Variants in PTPRD observed in about 807,000 individuals in gnomAD.
The protein encoded by PTPRD is receptor-type tyrosine-protein phosphatase delta.
In PTPRD, 34 loss-of-function variants were observed where a neutral mutation model predicts 214.5. That is an observed-to-expected ratio of 0.16 (90% CI 0.12 to 0.21). The LOEUF is 0.21. Ranked by LOEUF, PTPRD falls within the 10% of genes least tolerant of loss-of-function variation. PTPRD has a pLI of 1.00. For synonymous variants in PTPRD, 1,128 were observed against 845.7 expected (o/e 1.33, Z -5.79); for missense variants, 2,545 against 2,398.7 (o/e 1.06, Z -1.27).
intron 35 of PTPRD, among the ~76,000 whole-genome samples, chr9:8,430,268 AT>A (rs146333426): frequency 4.7e-5 from 7 of 147,374 alleles, no homozygotes; most frequent in South Asian, 2.2e-4. Context: ...AATTTTTTTT[AT>A]TTTTTTTTTA....
intron 4 of PTPRD, among the ~76,000 whole-genome samples, chr9:9,982,171 G>T (rs2095563314): frequency 6.6e-6 from 1 of 152,136 alleles, no homozygotes; most frequent in African/African-American, 2.4e-5. Context: ...CCAAAATACA[G>T]ATCTGTGCCA....
chr9:10,130,391 T>A (rs1181357526), intron 3 of PTPRD, among the ~76,000 whole-genome samples: 1 of 152,126 alleles, frequency 6.6e-6, no homozygotes, highest in Non-Finnish European at 1.5e-5. Context: ...TTGTCATTGA[T>A]CTTTCCCCAT....
chr9:8,776,213 G>A (rs146975377), intron 11 of PTPRD, among the ~76,000 whole-genome samples: 268 of 152,296 alleles, frequency 1.8e-3, no homozygotes, highest in African/African-American at 6.0e-3. Flanking sequence ...ATTGGACCCT[G>A]CACAAGGCAT....
chr9:9,490,405 C>A (rs888726574), intron 8 of PTPRD, among the ~76,000 whole-genome samples: 3 of 151,996 alleles, frequency 2.0e-5, no homozygotes, highest in African/African-American at 7.2e-5. Flanking sequence ...TGTCGCTTTC[C>A]ACACAATTTA....
At chr9:9,893,440 C>G (rs540341227) in intron 5 of PTPRD, among the ~76,000 whole-genome samples, 2 of 152,066 alleles carry the variant, frequency 1.3e-5, no homozygotes, top group African/African-American at 4.8e-5. Flanking sequence ...GAACATTTAC[C>G]AAGCAAATAG....
At chr9:8,432,182 T>C (rs2095102121) in intron 35 of PTPRD, among the ~76,000 whole-genome samples, 1 of 152,222 alleles carries the variant, frequency 6.6e-6, no homozygotes, top group Non-Finnish European at 1.5e-5. Context: ...ATACCAACTT[T>C]AAGGAGGACT....
chr9:10,393,491 T>C (rs1423928164), intron 2 of PTPRD, among the ~76,000 whole-genome samples: 1 of 151,434 alleles, frequency 6.6e-6, no homozygotes, highest in Non-Finnish European at 1.5e-5. Flanking sequence ...GAGAAATGTA[T>C]AAAATAGAAA....
At chr9:10,262,603 TTGGTACTGC>T (rs2093770108) in intron 3 of PTPRD, among the ~76,000 whole-genome samples, 1 of 152,130 alleles carries the variant, frequency 6.6e-6, no homozygotes, top group African/African-American at 2.4e-5. Flanking sequence ...AACAGAGACA[TTGGTACTGC>T]AAAGCAGAAG....
chr9:10,348,872 C>T (rs2097134386), intron 2 of PTPRD, among the ~76,000 whole-genome samples: 1 of 151,974 alleles, frequency 6.6e-6, no homozygotes, highest in African/African-American at 2.4e-5. Context: ...AGCTATATAC[C>T]TCCCTAACAT....
chr9:8,607,599 C>T (rs774589077), intron 14 of PTPRD, among the ~76,000 whole-genome samples: 28 of 152,140 alleles, frequency 1.8e-4, no homozygotes, highest in Admixed American at 1.6e-3. Context: ...GCCAAGACTG[C>T]GCCACTGCAC....
chr9:10,106,774 A>G (rs955711733), intron 3 of PTPRD, among the ~76,000 whole-genome samples: 13 of 152,014 alleles, frequency 8.6e-5, no homozygotes, highest in African/African-American at 3.1e-4. Context: ...CAGGAAGAAC[A>G]TCAGGCTAAA....
Position 8,485,218 on chromosome 9 carries a change from A to G in PTPRD, c.3153+9T>C. 6.2e-7 allele frequency: 1 copy of G among 1,609,584 alleles called. No homozygotes were observed. Among genetic ancestry groups the G allele is most frequent in the Non-Finnish European group, 8.5e-7 (1 of 1,176,252 alleles). ...TCTGTGATTTCTTACAAATTAGAAA[A>G]CAACTTACTTTGAAAGGCATGGCGG... On this transcript the variant is annotated intron_variant, in intron 29 of 45. Transcript: ENST00000381196.
intron 3 of PTPRD, among the ~76,000 whole-genome samples, chr9:10,087,551 G>A (rs1344265991): frequency 6.6e-6 from 1 of 151,598 alleles, no homozygotes; most frequent in Non-Finnish European, 1.5e-5. Context: ...AGTGGGACCA[G>A]GAAGAAATCT....
intron 9 of PTPRD, among the ~76,000 whole-genome samples, chr9:9,318,902 T>A (rs974626082): frequency 1.2e-4 from 18 of 152,306 alleles, no homozygotes; most frequent in African/African-American, 4.3e-4. Context: ...TCTAGATTCA[T>A]GCATTGATTT....
chr9:10,200,983 CT>C (rs2099417715), intron 3 of PTPRD, among the ~76,000 whole-genome samples: 1 of 152,004 alleles, frequency 6.6e-6, no homozygotes, highest in African/African-American at 2.4e-5. Flanking sequence ...AGCTTATATA[CT>C]CACACAGCTA....
intron 2 of PTPRD, among the ~76,000 whole-genome samples, chr9:10,517,918 T>G (rs1191385661): frequency 6.6e-6 from 1 of 152,170 alleles, no homozygotes; most frequent in Non-Finnish European, 1.5e-5. Context: ...TGCTGAAAGA[T>G]CCACTGGTTC....
chr9:9,256,275 G>A (rs1594668255), intron 9 of PTPRD, among the ~76,000 whole-genome samples: 1 of 151,884 alleles, frequency 6.6e-6, no homozygotes, highest in Non-Finnish European at 1.5e-5. Flanking sequence ...AGCCTCTGTG[G>A]TTGAAAAAAT....
At chr9:9,982,470 G>A (rs1037203151) in intron 4 of PTPRD, among the ~76,000 whole-genome samples, 1 of 45,582 alleles carries the variant, frequency 2.2e-5, no homozygotes, top group Non-Finnish European at 3.8e-5. Flanking sequence ...TGTTGTGGTG[G>A]TGGTGGTGTG....
chr9:9,057,753 T>C (rs1352245156), intron 10 of PTPRD, among the ~76,000 whole-genome samples: 1 of 152,182 alleles, frequency 6.6e-6, no homozygotes. Flanking sequence ...TTCTTGGTTA[T>C]CTATGAGCTT....
Sources: gnomAD v4.1 joint callset for allele counts (sites outside exome capture counted in the v4.1 genomes callset) on GRCh38, gnomAD v4.1.1 for gene constraint, MANE v1.5 for transcripts, NCBI Gene and HGNC (gene_info 2026-07-23, HGNC 2026-07-21) for gene names.